GBF1: variants seen among roughly 807,000 people sequenced by gnomAD.
GBF1 encodes Golgi-specific brefeldin A-resistance guanine nucleotide exchange factor 1.
In GBF1, 114 loss-of-function variants were observed where a neutral mutation model predicts 210.5. The observed-to-expected ratio is 0.54, with a 90% CI of 0.47 to 0.63. GBF1 has a LOEUF of 0.63. Among genes scored for constraint, GBF1 ranks in the 30% least tolerant of loss-of-function variants. The probability of loss-of-function intolerance (pLI) is 0.00; values close to 1 mark genes in which losing one functional copy is unlikely to be tolerated. For synonymous variants in GBF1, 850 were observed against 889.2 expected (o/e 0.96, Z 0.78); for missense variants, 1,851 against 2,357.7 (o/e 0.79, Z 4.45).
At chr10:102,372,080 ATGGTGAGCGCC>A (rs1269698511) in intron 29 of GBF1, among the ~76,000 whole-genome samples, 1 of 151,168 alleles carries the variant, frequency 6.6e-6, no homozygotes, top group Non-Finnish European at 1.5e-5. Context: ...GCTGGGCGTG[ATGGTGAGCGCC>A]TGATTGCTAC....
intron 3 of GBF1, among the ~76,000 whole-genome samples, chr10:102,282,403 G>A (rs527292401): frequency 1.4e-4 from 21 of 152,264 alleles, no homozygotes; most frequent in African/African-American, 5.1e-4. Flanking sequence ...AAAAGGCGAT[G>A]AGGTTATTTA....
At chr10:102,314,311 A>G (rs2078745322) in intron 3 of GBF1, among the ~76,000 whole-genome samples, 1 of 151,010 alleles carries the variant, frequency 6.6e-6, no homozygotes, top group Non-Finnish European at 1.5e-5. Flanking sequence ...CACCTGGCTA[A>G]TTTTTAATTT....
the GBF1 span, among the ~76,000 whole-genome samples, chr10:102,239,789 TG>T: frequency 6.6e-6 from 1 of 152,224 alleles, no homozygotes; most frequent in East Asian, 1.9e-4. Flanking sequence ...ATAATTGAGC[TG>T]TGGTTAGAAT....
Position 102,365,562 on chromosome 10 carries a change from G to T in GBF1, c.2272G>T (p.Asp758Tyr), listed in dbSNP as rs2059866598. The T allele has an allele frequency of 1.2e-6, 2 of 1,614,034 alleles. No homozygotes were observed. Among genetic ancestry groups the T allele is most frequent in the African/African-American group, 2.7e-5 (2 of 74,920 alleles). ...DKKMIGEFVS[D>Y]RKNIDLLESF... ...GAAGATGATTGGAGAGTTTGTGAGTGACCGCAAAAACATTGACCTGTTGGA... is the reference window on the plus strand; with the variant it reads ...GAAGATGATTGGAGAGTTTGTGAGTTACCGCAAAAACATTGACCTGTTGGA... The change falls in exon 18 of 40, where the codon GAC (aspartate) becomes TAC (tyrosine). Residue 758 changes from aspartate (D) to tyrosine (Y), a missense_variant. This residue lies in a region of GBF1 where 804 missense variants were observed against 958.6 expected (regional missense o/e 0.84). Coordinates refer to ENST00000369983, the MANE Select transcript of GBF1 (RefSeq NM_001377137.1).
chr10:102,263,390 G>A (rs1467102072), intron 3 of GBF1, among the ~76,000 whole-genome samples: 3 of 152,096 alleles, frequency 2.0e-5, no homozygotes, highest in Non-Finnish European at 4.4e-5. Context: ...AGGAATTCTA[G>A]GACTTCTACC....
chr10:102,261,235 TTGTGTGTGTGTG>T (rs34325175), intron 3 of GBF1, among the ~76,000 whole-genome samples: 2 of 150,104 alleles, frequency 1.3e-5, no homozygotes, highest in East Asian at 3.9e-4. Context: ...TACCTTATAT[TTGTGTGTGTGTG>T]TGTGTGTGTG....
intron 3 of GBF1, among the ~76,000 whole-genome samples, chr10:102,321,371 A>G (rs1022622628): frequency 2.0e-5 from 3 of 152,168 alleles, no homozygotes; most frequent in African/African-American, 7.2e-5. Flanking sequence ...TCTTTAATCA[A>G]TATAATTTAT....
chr10:102,337,142 G>GAT (rs2057806297), intron 3 of GBF1, among the ~76,000 whole-genome samples: 1 of 151,764 alleles, frequency 6.6e-6, no homozygotes, highest in Non-Finnish European at 1.5e-5. Flanking sequence ...ACTTTGGGAG[G>GAT]CCGAGGTGGG....
At chr10:102,318,851 C>A (rs1329853323) in intron 3 of GBF1, among the ~76,000 whole-genome samples, 1 of 152,242 alleles carries the variant, frequency 6.6e-6, no homozygotes, top group Non-Finnish European at 1.5e-5. Context: ...ATACTCACCA[C>A]CCCATTCTCC....
intron 23 of GBF1, 69 bp downstream of exon 23, chr10:102,368,901 C>T: frequency 1.9e-6 from 2 of 1,074,388 alleles, no homozygotes. Flanking sequence ...ATGGATCTAC[C>T]CTTATCAACA....
At chr10:102,338,556 C>G (rs2057940255) in intron 3 of GBF1, among the ~76,000 whole-genome samples, 1 of 151,888 alleles carries the variant, frequency 6.6e-6, no homozygotes, top group Non-Finnish European at 1.5e-5. Context: ...TTTCAACTAT[C>G]TAATTTGACA....
chr10:102,328,030 G>C (rs563889155), intron 3 of GBF1, among the ~76,000 whole-genome samples: 3 of 152,170 alleles, frequency 2.0e-5, no homozygotes, highest in Admixed American at 2.0e-4. Context: ...TTTGTTTACT[G>C]TCCAGCTCAC....
chr10:102,279,958 ATTT>A (rs140829227), intron 3 of GBF1, among the ~76,000 whole-genome samples: 1 of 151,502 alleles, frequency 6.6e-6, no homozygotes, highest in Non-Finnish European at 1.5e-5. Context: ...TCTCTACTAA[ATTT>A]TTTTTTGTTT....
chr10:102,290,614 C>A (rs928474163), intron 3 of GBF1, among the ~76,000 whole-genome samples: 1 of 152,166 alleles, frequency 6.6e-6, no homozygotes, highest in African/African-American at 2.4e-5. Flanking sequence ...TCCTCCATCT[C>A]AGCCTCCCTG....
chr10:102,369,912 T>C lies in GBF1; in HGVS notation c.3267T>C (p.Pro1089=), dbSNP rs776673596. 6 of 1,613,874 alleles carry C rather than the reference T, an allele frequency of 3.7e-6. No individual in the cohort carries two copies. In the East Asian group the frequency reaches 1.3e-4, roughly 36 times the overall value. ...SFVSWLTLSG[P]EQSSVRGPST... is the part of the protein sequence containing the mutation. ...TGAGCTGGCTAACACTGAGTGGTCC[T>C]GAGCAGTCTAGTGTTCGGGGCCCAT... is the stretch of plus-strand genomic sequence containing the variant. The change falls in exon 26 of 40, where the codon CCT becomes CCC. Residue 1089 remains proline (P), a synonymous_variant. Transcript: ENST00000369983.
At chr10:102,339,889 C>T (rs889594785) in intron 3 of GBF1, among the ~76,000 whole-genome samples, 15 of 150,944 alleles carry the variant, frequency 9.9e-5, no homozygotes, top group African/African-American at 3.7e-4. Flanking sequence ...CAGGCTCAAG[C>T]AATCCTCTCA....
At chr10:102,237,948 G>A in the GBF1 span, among the ~76,000 whole-genome samples, 1 of 151,956 alleles carries the variant, frequency 6.6e-6, no homozygotes, top group Non-Finnish European at 1.5e-5. Context: ...CTTGTATCCA[G>A]GGGTGTGACA....
chr10:102,317,525 A>G (rs2055922968), intron 3 of GBF1, among the ~76,000 whole-genome samples: 1 of 152,204 alleles, frequency 6.6e-6, no homozygotes, highest in South Asian at 2.1e-4. Context: ...AGGCTGAGGC[A>G]GGAGAATCGC....
intron 3 of GBF1, among the ~76,000 whole-genome samples, chr10:102,327,169 C>T (rs1265309775): frequency 6.6e-6 from 1 of 152,190 alleles, no homozygotes; most frequent in East Asian, 1.9e-4. Context: ...AGTAGGGTTT[C>T]AAACACCTGT....
Sources: allele counts gnomAD v4.1 joint callset (sites outside exome capture counted in the v4.1 genomes callset), GRCh38; gene constraint gnomAD v4.1.1; regional missense constraint gnomAD v4.1.1; transcripts MANE v1.5; gene names NCBI Gene and HGNC (gene_info 2026-07-23, HGNC 2026-07-21).